VWA8: variants seen among roughly 807,000 people sequenced by gnomAD.
The protein encoded by VWA8 is von Willebrand factor A domain containing 8.
Under a neutral mutation model 241.5 loss-of-function variants are expected in VWA8, and 221 were observed. The ratio of observed to expected loss-of-function variants is 0.91; its 90% CI spans 0.82 to 1.02. VWA8 has a LOEUF of 1.02. Among genes scored for constraint, VWA8 ranks in the 50% least tolerant of loss-of-function variants. VWA8 has a pLI of 0.00. For synonymous variants in VWA8, 852 were observed against 827.1 expected (o/e 1.03, Z -0.52); for missense variants, 2,322 against 2,328.7 (o/e 1.00, Z 0.06).
chr13:41,690,157 A>G lies in VWA8; in HGVS notation c.3976+9T>C, dbSNP rs758145494. 1 of 1,607,834 alleles carries G rather than the reference A, an allele frequency of 6.2e-7. No homozygotes were observed. The highest frequency in any genetic ancestry group is 1.1e-5 in the South Asian group (1 of 90,678). Reference sequence around the variant, plus strand: ...ACACAGCCATAAACACAGATGACATAGTATTTACCTTGTGTAACTCCAAAC... The same window carrying G: ...ACACAGCCATAAACACAGATGACATGGTATTTACCTTGTGTAACTCCAAAC... On this transcript the variant is annotated intron_variant, in intron 33 of 44. Coordinates refer to ENST00000379310, the MANE Select transcript of VWA8 (RefSeq NM_015058.2).
chr13:41,699,199 T>C lies in VWA8; in HGVS notation c.3436A>G (p.Lys1146Glu). 6.2e-7 allele frequency: 1 copy of C among 1,614,168 alleles called. No homozygotes were observed. Among genetic ancestry groups the C allele is most frequent in the Non-Finnish European group, 8.5e-7 (1 of 1,180,000 alleles). ...AAAAAGTCCACAAAGAAGCCACTTTTCCCAGTCATATTCATAAAGTACAGG... is the reference window on the plus strand; with the variant it reads ...AAAAAGTCCACAAAGAAGCCACTTTCCCCAGTCATATTCATAAAGTACAGG... ...ASLYFMNMTGKSGFFVDFFDI... is the reference protein window; with the variant it reads ...ASLYFMNMTGESGFFVDFFDI... The change falls in exon 29 of 45, where the codon AAA becomes GAA. Residue 1146 changes from lysine to glutamate, a missense_variant. By Grantham distance (56) the Lys-to-Glu change is moderately conservative. Coordinates refer to ENST00000379310, the MANE Select transcript of VWA8 (RefSeq NM_015058.2).
rs1392766689 is a variant in VWA8, at chr13:41,611,789, A to T, written c.4721-57T>A. 2.5e-6 allele frequency: 4 copies of T among 1,602,820 alleles called. No individual in the cohort carries two copies. The African/African-American group carries it at 5.4e-5, about 21-fold the overall frequency. The stretch of plus-strand genomic sequence containing the variant: ...AATCTGAACTTGACCACAGAACAAA[A>T]GTTGGGTCATGGTTTTAGGACAGCC... On this transcript the variant is annotated intron_variant, in intron 38 of 44. Coordinates refer to ENST00000379310, the MANE Select transcript of VWA8 (RefSeq NM_015058.2).
At chr13:41,830,708 C>A in intron 13 of VWA8, 66 bp from the exon 14 acceptor site, 1 of 1,334,850 alleles carries the variant, frequency 7.5e-7, no homozygotes, top group South Asian at 1.2e-5. Flanking sequence ...TTTTCAGAGG[C>A]AGAATCAGTC....
chr13:41,834,883 G>A (rs146499841), intron 12 of VWA8, among the ~76,000 whole-genome samples: 1,592 of 152,260 alleles, frequency 0.01, 31 homozygotes, highest in African/African-American at 0.037. Flanking sequence ...CATACACACC[G>A]TGGAATACTA....
intron 1 of VWA8, among the ~76,000 whole-genome samples, chr13:41,952,425 G>C (rs776810939): frequency 1.3e-5 from 2 of 152,130 alleles, no homozygotes; most frequent in Admixed American, 1.3e-4. Context: ...TCTTTTAAAA[G>C]ATAAGCTTGC....
At position 41,960,887 on chromosome 13, in the gene VWA8, G is replaced by A. The variant is rs1418136255; in HGVS notation, c.129C>T (p.Val43=). ...RPGGDRQRPE[V]RLLHAGSGAD... ...CCCCCGAGCCGGCGTGCAACAGTCT[G>A]ACCTCCGGCCGCTGCCTGTCGCCAC... The change falls in exon 1 of 45, where the codon GTC becomes GTT. Residue 43 remains valine (V), a synonymous_variant. Transcript: ENST00000379310. The A allele has an allele frequency of 1.3e-6, 2 of 1,515,850 alleles. No individual in the cohort carries two copies. The highest frequency in any genetic ancestry group is 1.2e-5 in the South Asian group (1 of 83,034). 93.9% of individuals were successfully genotyped at this position (1,515,850 alleles called of 1,614,324 possible).
intron 12 of VWA8, among the ~76,000 whole-genome samples, chr13:41,855,564 G>T (rs1358703127): frequency 6.6e-6 from 1 of 151,676 alleles, no homozygotes; most frequent in Non-Finnish European, 1.5e-5. Flanking sequence ...ATAAGTGAAA[G>T]AAACCAGATG....
chr13:41,657,239 G>A (rs766515711), intron 37 of VWA8, among the ~76,000 whole-genome samples: 5 of 152,006 alleles, frequency 3.3e-5, no homozygotes, highest in South Asian at 4.2e-4. Flanking sequence ...AGCCACCCCC[G>A]AGAAAAGCAG....
At chr13:41,760,506 T>C (rs77010339) in intron 21 of VWA8, among the ~76,000 whole-genome samples, 24,672 of 151,700 alleles carry the variant, frequency 0.16, 2,136 homozygotes, top group Non-Finnish European at 0.2. Context: ...AAGTTGTTCA[T>C]TACTTGATAT....
chr13:41,622,861 C>A (rs1231160400), intron 37 of VWA8, among the ~76,000 whole-genome samples: 1 of 152,150 alleles, frequency 6.6e-6, no homozygotes, highest in Non-Finnish European at 1.5e-5. Flanking sequence ...GAAAAGTGAG[C>A]TTTTGGAGGT....
intron 4 of VWA8, among the ~76,000 whole-genome samples, chr13:41,898,068 CAG>C (rs1012324102): frequency 7.2e-5 from 11 of 152,170 alleles, no homozygotes; most frequent in Admixed American, 4.6e-4. Flanking sequence ...TAGCTAGATA[CAG>C]AGTGTCGATT....
Position 41,700,812 on chromosome 13 carries a change from T to C in VWA8, c.3364+580A>G, listed in dbSNP as rs373447703. Among the ~76,000 whole-genome samples the C allele has an allele frequency of 3.3e-5, 5 of 152,334 alleles. No individual in the cohort carries two copies. The East Asian group carries it at 7.7e-4, about 23-fold the overall frequency. ...TTTTGTCTCAACAATTCTCATCTTA[T>C]CAAGTTAGAGACTCTCTCCCTTCCC... On this transcript the variant is annotated intron_variant, in intron 28 of 44. Transcript: ENST00000379310.
chr13:41,608,582 G>A (rs546437280), intron 39 of VWA8, among the ~76,000 whole-genome samples: 3 of 152,008 alleles, frequency 2.0e-5, no homozygotes, highest in Non-Finnish European at 4.4e-5. Context: ...TTTCTTATAG[G>A]TCACACTTAA....
chr13:41,666,856 G>A (rs1033506505), intron 37 of VWA8, among the ~76,000 whole-genome samples: 3 of 152,140 alleles, frequency 2.0e-5, no homozygotes, highest in African/African-American at 7.2e-5. Flanking sequence ...GACACGTGGC[G>A]AGGAGACATG....
At chr13:41,720,119 C>T (rs1164026666) in intron 25 of VWA8, among the ~76,000 whole-genome samples, 1 of 152,008 alleles carries the variant, frequency 6.6e-6, no homozygotes, top group Non-Finnish European at 1.5e-5. Flanking sequence ...AATATCTATA[C>T]TGAAGTTTTC....
At chr13:41,722,808 C>T (rs2045403272) in intron 24 of VWA8, among the ~76,000 whole-genome samples, 1 of 152,004 alleles carries the variant, frequency 6.6e-6, no homozygotes, top group Admixed American at 6.6e-5. Context: ...TTAAGGCAGG[C>T]ATACCTGGCA....
intron 18 of VWA8, among the ~76,000 whole-genome samples, chr13:41,786,372 C>T (rs1377303272): frequency 3.3e-5 from 5 of 152,002 alleles, no homozygotes; most frequent in African/African-American, 7.2e-5. Context: ...TGTGTGAACA[C>T]GGAGAGTTAA....
intron 9 of VWA8, among the ~76,000 whole-genome samples, chr13:41,872,007 G>A (rs1593833645): frequency 6.6e-6 from 1 of 152,328 alleles, no homozygotes; most frequent in Middle Eastern, 3.4e-3. Context: ...TCTAACTGGT[G>A]TGAGATGGTA....
At chr13:41,705,414 T>TG (rs2045276892) in intron 26 of VWA8, among the ~76,000 whole-genome samples, 1 of 152,220 alleles carries the variant, frequency 6.6e-6, no homozygotes, top group Non-Finnish European at 1.5e-5. Flanking sequence ...AAACATAGAC[T>TG]GGGATCTCTC....
Sources: allele counts gnomAD v4.1 joint callset (sites outside exome capture counted in the v4.1 genomes callset), GRCh38; gene constraint gnomAD v4.1.1; transcripts MANE v1.5; gene names NCBI Gene and HGNC (gene_info 2026-07-23, HGNC 2026-07-21).